The following PI4KA variants were observed in gnomAD, a reference collection of about 807,000 sequenced individuals.
PI4KA encodes the protein PI4-kinase alpha.
PI4KA carries 122 observed loss-of-function variants against 271.4 expected under a neutral mutation model. The ratio of observed to expected loss-of-function variants is 0.45; its 90% CI spans 0.39 to 0.52. PI4KA has a LOEUF of 0.52. PI4KA is among the 20% of genes least tolerant of loss of function. The probability of loss-of-function intolerance (pLI) is 0.00; values close to 1 mark genes in which losing one functional copy is unlikely to be tolerated. For missense variants in PI4KA, 1,969 were observed against 2,769.1 expected (o/e 0.71, Z 6.48); for synonymous variants, 1,041 against 1,078.8 (o/e 0.96, Z 0.69).
chr22:20,759,858 C>T (rs530695774), intron 23 of PI4KA, among the ~76,000 whole-genome samples: 1 of 152,098 alleles, frequency 6.6e-6, no homozygotes, highest in African/African-American at 2.4e-5. Flanking sequence ...AGTCACCGCA[C>T]CCAGCCAATT....
intron 1 of PI4KA, among the ~76,000 whole-genome samples, chr22:20,844,411 A>G (rs1925986757): frequency 6.6e-6 from 1 of 152,230 alleles, no homozygotes; most frequent in African/African-American, 2.4e-5. Flanking sequence ...ACACTGAACA[A>G]GTATCTGCTG....
intron 7 of PI4KA, among the ~76,000 whole-genome samples, chr22:20,815,340 C>A (rs1287693938): frequency 2.1e-5 from 3 of 142,804 alleles, no homozygotes; most frequent in Non-Finnish European, 3.0e-5. Context: ...AAGATTGCAC[C>A]ACTGCACTCC....
chr22:20,714,245 T>C (rs539250400), intron 47 of PI4KA, among the ~76,000 whole-genome samples: 19 of 152,116 alleles, frequency 1.2e-4, no homozygotes, highest in Admixed American at 3.9e-4. Context: ...GCCAGCTGAC[T>C]CACGGCAGAC....
At chr22:20,791,159 A>G (rs1934621929) in intron 19 of PI4KA, among the ~76,000 whole-genome samples, 1 of 152,232 alleles carries the variant, frequency 6.6e-6, no homozygotes, top group African/African-American at 2.4e-5. Context: ...TCCACTATGC[A>G]TATATTAAGC....
chr22:20,740,286 G>GA (rs1929269577), intron 32 of PI4KA, among the ~76,000 whole-genome samples: 1 of 151,204 alleles, frequency 6.6e-6, no homozygotes, highest in Non-Finnish European at 1.5e-5. Context: ...TTAACCAAAT[G>GA]AAAGAGTGAG....
At chr22:20,801,348 G>A (rs961305574) in intron 14 of PI4KA, among the ~76,000 whole-genome samples, 12 of 151,962 alleles carry the variant, frequency 7.9e-5, no homozygotes, top group Admixed American at 3.9e-4. Context: ...CACTTTGGGA[G>A]GCTGAGGCAG....
chr22:20,748,483 GC>G (rs1453425136), intron 28 of PI4KA, among the ~76,000 whole-genome samples: 1 of 152,236 alleles, frequency 6.6e-6, no homozygotes, highest in Non-Finnish European at 1.5e-5. Context: ...GGAGAAGGGT[GC>G]TGGGCAATGG....
chr22:20,783,872 T>G (rs1349470790), intron 19 of PI4KA: 1 of 1,531,848 alleles, frequency 6.5e-7, no homozygotes, highest in Non-Finnish European at 9.0e-7. Flanking sequence ...CTGCAGGCTA[T>G]CTGAATGAGG....
intron 30 of PI4KA, among the ~76,000 whole-genome samples, chr22:20,743,914 C>T (rs544119905): frequency 6.6e-6 from 1 of 151,912 alleles, no homozygotes; most frequent in Admixed American, 6.6e-5. Context: ...ATTAGCCGGG[C>T]GTGGTGGTGG....
At chr22:20,780,868 G>C (rs77625162) in intron 19 of PI4KA, among the ~76,000 whole-genome samples, 4,505 of 151,756 alleles carry the variant, frequency 0.03, 88 homozygotes, top group Middle Eastern at 0.062. Context: ...GCCAACCCTA[G>C]CAATCTGTTA....
intron 43 of PI4KA, 72 bp downstream of exon 43, chr22:20,721,226 G>A: frequency 1.3e-6 from 2 of 1,537,472 alleles, no homozygotes; most frequent in Non-Finnish European, 9.0e-7. Context: ...CGAGAGCCCT[G>A]GGGGCTGTAG....
In PI4KA at chr22:20,729,329, C is replaced by CG; in HGVS notation, c.4665dup (p.Val1556ArgfsTer8). On this transcript the variant is annotated frameshift_variant, in exon 39 of 55. Transcript: ENST00000255882. LOFTEE classifies it high-confidence loss of function. ...GGGGCCCACCTGGCAGGCAGCTGCA[C>CG]GGCTAGGTAGGGAGAGATGCTCCAG... 1 of 1,613,446 alleles carries CG rather than the reference C, an allele frequency of 6.2e-7. No homozygotes were observed. The highest frequency in any genetic ancestry group is 8.5e-7 in the Non-Finnish European group (1 of 1,179,676).
At chr22:20,717,089 CA>C (rs1601321115) in intron 45 of PI4KA, among the ~76,000 whole-genome samples, 1 of 152,030 alleles carries the variant, frequency 6.6e-6, no homozygotes, top group Non-Finnish European at 1.5e-5. Flanking sequence ...ACTAAAAATA[CA>C]AAAAAATTAG....
At chr22:20,744,099 T>C (rs1468355123) in intron 30 of PI4KA, among the ~76,000 whole-genome samples, 2 of 152,006 alleles carry the variant, frequency 1.3e-5, no homozygotes, top group Non-Finnish European at 2.9e-5. Context: ...TGGTATAGAT[T>C]AGCTTCTGAG....
At chr22:20,844,974 TA>T (rs1201523263) in intron 1 of PI4KA, among the ~76,000 whole-genome samples, 1 of 152,120 alleles carries the variant, frequency 6.6e-6, no homozygotes, top group Non-Finnish European at 1.5e-5. Context: ...TTAGGGGTCT[TA>T]GGGGGAGTGG....
intron 42 of PI4KA, chr22:20,725,472 A>C (rs1436809694): frequency 2.3e-6 from 1 of 432,848 alleles, no homozygotes; most frequent in East Asian, 7.1e-5. Context: ...TATAGAGATG[A>C]TTAAGGTAAA....
In PI4KA at chr22:20,813,388, T is replaced by A. The variant is rs993897445; in HGVS notation, c.975A>T (p.Pro325=). The A allele has an allele frequency of 1.2e-6, 2 of 1,613,778 alleles. No individual in the cohort carries two copies. Among genetic ancestry groups the A allele is most frequent in the East Asian group, 2.2e-5 (1 of 44,888 alleles). Residue 325 remains proline, a synonymous_variant, in exon 8 of 55, where the codon CCA becomes CCT. Coordinates refer to ENST00000255882, the MANE Select transcript of PI4KA (RefSeq NM_058004.4). ...NGVTYKEFNI[P]LEMLRELLNL... The stretch of plus-strand genomic sequence containing the variant: ...TTAAGAGTTCCCGAAGCATTTCCAA[T>A]GGAATGTTAAACTCCTTATATGTGA...
chr22:20,826,954 G>C (rs537065324), intron 3 of PI4KA, among the ~76,000 whole-genome samples: 40 of 151,878 alleles, frequency 2.6e-4, no homozygotes, highest in African/African-American at 9.4e-4. Flanking sequence ...TTAGACCTTT[G>C]CATAGTTTGC....
rs761480824 is a variant in PI4KA at position 20,742,310 on chromosome 22, C to T, written c.3659G>A (p.Arg1220Gln). The T allele has an allele frequency of 5.6e-6, 9 of 1,614,196 alleles. No individual in the cohort carries two copies. The highest frequency in any genetic ancestry group is 5.0e-5 in the Admixed American group (3 of 60,022). ...CTCCATGCCATGCTCATTGAACATC[C>T]GGAGGGGACCCCAGCACAGATGATG... ...LLHHLCWGPL[R>Q]MFNEHGMETA... Residue 1220 changes from arginine (R) to glutamine (Q), a missense_variant, in exon 32 of 55, where the codon CGG becomes CAG. Arg to Gln is a conservative substitution (Grantham distance 43). This residue lies in a region of PI4KA where 203 missense variants were observed against 256.8 expected (regional missense o/e 0.79). Coordinates refer to ENST00000255882, the MANE Select transcript of PI4KA (RefSeq NM_058004.4).
Sources: allele counts gnomAD v4.1 joint callset (sites outside exome capture counted in the v4.1 genomes callset), GRCh38; gene constraint gnomAD v4.1.1; regional missense constraint gnomAD v4.1.1; transcripts MANE v1.5; gene names NCBI Gene and HGNC (gene_info 2026-07-23, HGNC 2026-07-21).